The following TAFA2 variants were observed in gnomAD, a reference collection of about 807,000 sequenced individuals.
The protein encoded by TAFA2 is chemokine-like protein TAFA-2.
A neutral mutation model predicts 18.8 loss-of-function variants in TAFA2; 7 were observed. That is an observed-to-expected ratio of 0.37 (90% confidence interval 0.21 to 0.70). The LOEUF is 0.70. Ranked by LOEUF, TAFA2 falls within the 30% of genes least tolerant of loss-of-function variation. The probability of loss-of-function intolerance (pLI) is 0.53; values close to 1 mark genes in which losing one functional copy is unlikely to be tolerated. For synonymous variants in TAFA2, 60 were observed against 54.2 expected (o/e 1.11, Z -0.47); for missense variants, 122 against 158.1 (o/e 0.77, Z 1.23).
At position 62,171,427 on chromosome 12, in the gene TAFA2, T is replaced by C. The variant is rs192626308; in HGVS notation, c.-2+19832A>G. ...CAGCAATAACAAGAAACTTCTGCTA[T>C]ATGGCATTTCCTTTGGTAATTGCTA... On this transcript the variant is annotated intron_variant, in intron 1 of 4. Coordinates refer to ENST00000416284, the MANE Select transcript of TAFA2 (RefSeq NM_178539.5). 1.6e-3 allele frequency among the ~76,000 whole-genome samples: 251 copies of C among 152,350 alleles called. 3 individuals are homozygous for C. Among genetic ancestry groups the C allele is most frequent in the African/African-American group, 5.7e-3 (237 of 41,584 alleles).
intron 4 of TAFA2, among the ~76,000 whole-genome samples, chr12:61,744,551 G>A (rs1868609946): frequency 1.3e-5 from 2 of 151,902 alleles, no homozygotes; most frequent in Admixed American, 1.3e-4. Flanking sequence ...AAAATATCAG[G>A]TTTAAAATGT....
intron 1 of TAFA2, among the ~76,000 whole-genome samples, chr12:61,871,448 G>T (rs561873385): frequency 1.3e-5 from 2 of 152,142 alleles, no homozygotes; most frequent in East Asian, 3.9e-4. Flanking sequence ...AAAGAAAAAA[G>T]AACTGCCACA....
intron 1 of TAFA2, among the ~76,000 whole-genome samples, chr12:62,107,227 A>T (rs1427896966): frequency 4.0e-5 from 6 of 151,246 alleles, no homozygotes; most frequent in Non-Finnish European, 7.4e-5. Flanking sequence ...ATGCACACAT[A>T]CACTTTTTTA....
intron 1 of TAFA2, among the ~76,000 whole-genome samples, chr12:62,003,466 T>C (rs375948122): frequency 6.6e-6 from 1 of 152,182 alleles, no homozygotes; most frequent in Non-Finnish European, 1.5e-5. Context: ...ACCCTAGATA[T>C]ACTCTCTTGA....
chr12:61,786,165 G>C (rs1255921475), intron 2 of TAFA2, among the ~76,000 whole-genome samples: 1 of 151,564 alleles, frequency 6.6e-6, no homozygotes, highest in Non-Finnish European at 1.5e-5. Context: ...ACTTGGAAAA[G>C]TGTCTGGTTT....
intron 1 of TAFA2, among the ~76,000 whole-genome samples, chr12:62,108,062 C>T (rs1212710152): frequency 2.0e-5 from 3 of 151,964 alleles, no homozygotes; most frequent in Non-Finnish European, 2.9e-5. Flanking sequence ...TAGGTATACA[C>T]GTGCCATGGT....
intron 1 of TAFA2, among the ~76,000 whole-genome samples, chr12:62,182,971 T>C (rs548039469): frequency 6.6e-6 from 1 of 152,310 alleles, no homozygotes; most frequent in African/African-American, 2.4e-5. Context: ...ATGGTAAATA[T>C]CATGAGGGCA....
intron 2 of TAFA2, among the ~76,000 whole-genome samples, chr12:61,814,138 G>A (rs1294063886): frequency 6.6e-6 from 1 of 151,396 alleles, no homozygotes; most frequent in African/African-American, 2.5e-5. Flanking sequence ...TTGCAGTAGA[G>A]AGCCAAAGAG....
intron 2 of TAFA2, among the ~76,000 whole-genome samples, chr12:61,772,421 A>G (rs1401926904): frequency 6.6e-6 from 1 of 151,942 alleles, no homozygotes; most frequent in Non-Finnish European, 1.5e-5. Context: ...AAAGGACATA[A>G]CTAAAAAAGA....
rs900139004 is a variant in TAFA2, at chr12:62,192,231, C to A, written c.-974G>T. 6.6e-6 allele frequency: 1 copy of A among 152,228 alleles called. No homozygotes were observed. Among genetic ancestry groups the A allele is most frequent in the Non-Finnish European group, 1.5e-5 (1 of 68,134 alleles). The allele number at this position is 152,228 out of a possible 1,614,324, so 9.4% of individuals were successfully genotyped here. A position where few individuals can be genotyped will look rare whatever the true frequency, so the allele number is the denominator to read the frequency against. On this transcript the variant is annotated 5_prime_UTR_variant, in exon 1 of 5. Coordinates refer to ENST00000416284, the MANE Select transcript of TAFA2 (RefSeq NM_178539.5). Reference sequence around the variant, plus strand: ...TGCGGGCAGAGCCCCACGCAGCCCACCCGCTGCCCTTCTAGGCATCGTGGG... The same window carrying A: ...TGCGGGCAGAGCCCCACGCAGCCCAACCGCTGCCCTTCTAGGCATCGTGGG...
At chr12:62,007,139 C>CT (rs1018487056) in intron 1 of TAFA2, among the ~76,000 whole-genome samples, 3 of 152,074 alleles carry the variant, frequency 2.0e-5, no homozygotes, top group African/African-American at 7.2e-5. Context: ...ACACTGACCG[C>CT]TTCCTATTCC....
chr12:61,793,046 A>C (rs1166802297), intron 2 of TAFA2, among the ~76,000 whole-genome samples: 2 of 151,662 alleles, frequency 1.3e-5, no homozygotes, highest in African/African-American at 2.4e-5. Flanking sequence ...ATAGAAAGGG[A>C]AATTAAAACT....
chr12:62,185,198 T>C (rs1410938718), intron 1 of TAFA2, among the ~76,000 whole-genome samples: 1 of 152,244 alleles, frequency 6.6e-6, no homozygotes, highest in Non-Finnish European at 1.5e-5. Context: ...ATAACAGTCA[T>C]TAGATTTAGT....
At chr12:61,774,876 A>C (rs1870188759) in intron 2 of TAFA2, among the ~76,000 whole-genome samples, 1 of 151,922 alleles carries the variant, frequency 6.6e-6, no homozygotes. Flanking sequence ...TGTCAAGAGA[A>C]TCAAATGACA....
intron 1 of TAFA2, among the ~76,000 whole-genome samples, chr12:61,970,439 C>G (rs914894334): frequency 4.6e-5 from 7 of 151,310 alleles, no homozygotes; most frequent in African/African-American, 1.7e-4. Flanking sequence ...AAGAATAAAA[C>G]TGGCTGTAAA....
At chr12:62,088,194 C>T (rs1868538732) in intron 1 of TAFA2, among the ~76,000 whole-genome samples, 1 of 151,920 alleles carries the variant, frequency 6.6e-6, no homozygotes, top group South Asian at 2.1e-4. Flanking sequence ...GGAAAAACAA[C>T]AGAACTCCAC....
intron 1 of TAFA2, among the ~76,000 whole-genome samples, chr12:61,970,745 C>A (rs1879219664): frequency 6.7e-6 from 1 of 148,982 alleles, no homozygotes; most frequent in South Asian, 2.2e-4. Context: ...ACAAGAGTCA[C>A]CAGTTTAAAA....
chr12:62,231,364 C>A (rs1040231705), intron 1 of TAFA2, among the ~76,000 whole-genome samples: 13 of 152,192 alleles, frequency 8.5e-5, no homozygotes, highest in Non-Finnish European at 1.6e-4. Context: ...CAGTCTTTAA[C>A]TTGAAGTTTA....
In TAFA2 at chr12:61,999,032, G is replaced by T. The variant is rs578052722; in HGVS notation, c.-1-131606C>A. Among the ~76,000 whole-genome samples the T allele has an allele frequency of 5.2e-4, 79 of 152,284 alleles. 1 individual carries two copies. In the South Asian group the frequency reaches 0.015, roughly 29 times the overall value. On this transcript the variant is annotated intron_variant, in intron 1 of 4. Transcript: ENST00000416284. ...AAGGAAGCTGGGTTTTTATTCAGCT[G>T]CATGAACGAGATCTAGTTTCAAATA...
Sources: gnomAD v4.1 joint callset for allele counts (sites outside exome capture counted in the v4.1 genomes callset) on GRCh38, gnomAD v4.1.1 for gene constraint, MANE v1.5 for transcripts, NCBI Gene and HGNC (gene_info 2026-07-23, HGNC 2026-07-21) for gene names.